DOCK7: variants seen among roughly 807,000 people sequenced by gnomAD.
DOCK7 encodes the protein dedicator of cytokinesis 7.
Under a neutral mutation model 271.0 loss-of-function variants are expected in DOCK7, and 138 were observed. That is an observed-to-expected ratio of 0.51 (90% confidence interval 0.44 to 0.59). The LOEUF is 0.59. Ranked by LOEUF, DOCK7 falls within the 20% of genes least tolerant of loss-of-function variation. The probability of loss-of-function intolerance (pLI) is 0.00; values close to 1 mark genes in which losing one functional copy is unlikely to be tolerated. For missense variants in DOCK7, 2,066 were observed against 2,592.4 expected (o/e 0.80, Z 4.41); for synonymous variants, 823 against 876.1 (o/e 0.94, Z 1.07).
chr1:62,476,646 T>C (rs548781613), intron 44 of DOCK7, among the ~76,000 whole-genome samples: 1 of 152,314 alleles, frequency 6.6e-6, no homozygotes, highest in East Asian at 1.9e-4. Flanking sequence ...CAGTTCTCTA[T>C]GGGTTTACAT....
chr1:62,682,013 G>C (rs913319024), intron 1 of DOCK7, among the ~76,000 whole-genome samples: 1 of 150,278 alleles, frequency 6.7e-6, no homozygotes, highest in Non-Finnish European at 1.5e-5. Flanking sequence ...GAAGGGGTAA[G>C]ATTTAGGAAA....
chr1:62,530,712 G>C (rs540682491), intron 29 of DOCK7: 57 of 155,260 alleles, frequency 3.7e-4, no homozygotes, highest in African/African-American at 1.2e-3. Context: ...CTTTGCCCGT[G>C]AGGTGGCACC....
chr1:62,541,401 A>C (rs1645525642), intron 25 of DOCK7, among the ~76,000 whole-genome samples: 1 of 152,186 alleles, frequency 6.6e-6, no homozygotes, highest in Non-Finnish European at 1.5e-5. Context: ...ACCCTTGAAC[A>C]GCATGGGTTT....
At chr1:62,602,271 T>C (rs777541754) in intron 14 of DOCK7, 2 of 1,580,382 alleles carry the variant, frequency 1.3e-6, no homozygotes, top group Non-Finnish European at 1.7e-6. Context: ...CATGATTTCA[T>C]TCATTATATT....
chr1:62,588,216 G>C (rs1647853683), intron 14 of DOCK7, among the ~76,000 whole-genome samples: 1 of 152,172 alleles, frequency 6.6e-6, no homozygotes, highest in Non-Finnish European at 1.5e-5. Flanking sequence ...TTTGCTGATT[G>C]CTCCAACAAA....
chr1:62,527,257 A>C (rs1407004804), intron 31 of DOCK7, among the ~76,000 whole-genome samples: 1 of 152,196 alleles, frequency 6.6e-6, no homozygotes, highest in Non-Finnish European at 1.5e-5. Flanking sequence ...AGTGTTTTCA[A>C]AACATAAAAA....
At chr1:62,511,907 A>G (rs1644497733) in intron 33 of DOCK7, among the ~76,000 whole-genome samples, 1 of 152,122 alleles carries the variant, frequency 6.6e-6, no homozygotes, top group African/African-American at 2.4e-5. Flanking sequence ...GTCTATTAGT[A>G]GACCTAATAA....
chr1:62,687,007 T>C (rs2149791132), intron 1 of DOCK7, among the ~76,000 whole-genome samples: 1 of 152,248 alleles, frequency 6.6e-6, no homozygotes, highest in South Asian at 2.1e-4. Flanking sequence ...CTTGAACTCC[T>C]GGCCTCAAGC....
At chr1:62,570,021 C>G (rs1215160393) in intron 18 of DOCK7, among the ~76,000 whole-genome samples, 5 of 152,130 alleles carry the variant, frequency 3.3e-5, no homozygotes, top group Non-Finnish European at 5.9e-5. Flanking sequence ...GCCACCACTC[C>G]TATTCAACAT....
chr1:62,529,496 A>C (rs763903442), intron 29 of DOCK7, 50 bp from the exon 30 acceptor site: 2 of 1,409,728 alleles, frequency 1.4e-6, no homozygotes, highest in Admixed American at 4.5e-5. Flanking sequence ...GGCCACAGAG[A>C]TTAGCTAACA....
At chr1:62,583,368 C>A in intron 15 of DOCK7, 114 bp from the exon 16 acceptor site, 1 of 893,302 alleles carries the variant, frequency 1.1e-6, no homozygotes, top group South Asian at 1.6e-5. Flanking sequence ...GCAAAATCAG[C>A]CCAATGAAGA....
rs1345986616 is a variant in DOCK7 at position 62,455,434 on chromosome 1, G to A, written c.6403C>T (p.Leu2135Phe). ...CHRDSFSRMS[L>F]RKMDL is the part of the protein sequence containing the mutation. ...TCAGTTTAGAGATCCATTTTGCGAA[G>A]GCTCATTCGACTGAAGGAATCTCTG... is the stretch of plus-strand genomic sequence containing the variant. Residue 2135 changes from leucine to phenylalanine, a missense_variant, in exon 50 of 50, where the codon CTT becomes TTT. Leu to Phe is a conservative substitution (Grantham distance 22). Coordinates refer to ENST00000635253, the MANE Select transcript of DOCK7 (RefSeq NM_001367561.1). 6.2e-7 allele frequency: 1 copy of A among 1,613,528 alleles called. No individual in the cohort carries two copies. The highest frequency in any genetic ancestry group is 1.7e-5 in the Admixed American group (1 of 59,998).
chr1:62,500,147 CA>C (rs2149311306), intron 37 of DOCK7, among the ~76,000 whole-genome samples: 1 of 152,028 alleles, frequency 6.6e-6, no homozygotes, highest in East Asian at 1.9e-4. Context: ...CAAAACTCAC[CA>C]GATAAAGAAT....
At chr1:62,606,008 C>T (rs374513698) in intron 14 of DOCK7, 4 of 152,028 alleles carry the variant, frequency 2.6e-5, no homozygotes, top group African/African-American at 9.6e-5. Context: ...TTTGTCAATA[C>T]TTAGCATTAT....
At chr1:62,488,631 C>G (rs1321256256) in intron 42 of DOCK7, 3 of 291,196 alleles carry the variant, frequency 1.0e-5, no homozygotes, top group African/African-American at 6.7e-5. Context: ...ATGAGATTCA[C>G]AACTATGATC....
intron 11 of DOCK7, chr1:62,628,519 TACCTC>T (rs1654219444): frequency 6.6e-6 from 1 of 152,202 alleles, no homozygotes; most frequent in Non-Finnish European, 1.5e-5. Context: ...GAAATTGGAC[TACCTC>T]ACAACATACA....
chr1:62,672,642 T>C (rs1660142723), intron 1 of DOCK7, among the ~76,000 whole-genome samples: 1 of 152,154 alleles, frequency 6.6e-6, no homozygotes, highest in African/African-American at 2.4e-5. Flanking sequence ...AGGCAGAGAT[T>C]TCTGTCTGAA....
chr1:62,646,964 T>A (rs1243279976), intron 7 of DOCK7, among the ~76,000 whole-genome samples: 3 of 152,222 alleles, frequency 2.0e-5, no homozygotes, highest in Non-Finnish European at 4.4e-5. Context: ...AGGTGTCCTG[T>A]TATTCAAAAG....
intron 16 of DOCK7, among the ~76,000 whole-genome samples, chr1:62,582,018 A>C (rs952739763): frequency 7.2e-5 from 11 of 152,194 alleles, no homozygotes; most frequent in African/African-American, 2.7e-4. Flanking sequence ...ATCATTTGAA[A>C]GCAGAGGTGA....
Sources: allele counts gnomAD v4.1 joint callset (sites outside exome capture counted in the v4.1 genomes callset), GRCh38; gene constraint gnomAD v4.1.1; transcripts MANE v1.5; gene names NCBI Gene and HGNC (gene_info 2026-07-23, HGNC 2026-07-21).